Variants in FBXL22 observed in about 807,000 individuals in gnomAD.
FBXL22 encodes F-box and leucine-rich protein 22.
Under a neutral mutation model 11.7 loss-of-function variants are expected in FBXL22, and 13 were observed. The ratio of observed to expected loss-of-function variants is 1.11; its 90% confidence interval spans 0.73 to 1.77. The LOEUF (loss-of-function observed/expected upper bound fraction) is 1.77, where lower values mean the gene tolerates loss of function less well. Among genes scored for constraint, FBXL22 ranks in the 40% most tolerant of loss-of-function variants. The probability of loss-of-function intolerance (pLI) is 0.00; values close to 1 mark genes in which losing one functional copy is unlikely to be tolerated. For synonymous variants in FBXL22, 160 were observed against 144.1 expected (o/e 1.11, Z -0.79); for missense variants, 406 against 320.4 (o/e 1.27, Z -2.04).
At chr15:63,607,057 CTTT>C (rs71131174), downstream of FBXL22, among the ~76,000 whole-genome samples, 5 of 137,820 alleles carry the variant, frequency 3.6e-5, no homozygotes, top group Non-Finnish European at 4.7e-5. Flanking sequence ...AGCACAGATG[CTTT>C]TTTTTTTTTT....
At chr15:63,602,654 T>C (rs186795473), downstream of FBXL22, among the ~76,000 whole-genome samples, 825 of 148,504 alleles carry the variant, frequency 5.6e-3, 5 homozygotes, top group African/African-American at 0.019. Flanking sequence ...TAACAAGGGC[T>C]ATTAGGGATT....
At chr15:63,605,894 C>T (rs559693221), downstream of FBXL22, among the ~76,000 whole-genome samples, 19 of 152,294 alleles carry the variant, frequency 1.2e-4, no homozygotes, top group East Asian at 1.4e-3. Flanking sequence ...GCCCCAGTGC[C>T]GGCAGAGAGA....
chr15:63,601,668 G>C (rs376600116), downstream of FBXL22: 62 of 1,608,028 alleles, frequency 3.9e-5, 1 homozygote, highest in East Asian at 1.8e-4. Context: ...TTCCTGGGGC[G>C]GATGCGTTCC....
downstream of FBXL22, among the ~76,000 whole-genome samples, chr15:63,606,714 A>ACT (rs1264152381): frequency 9.9e-5 from 10 of 101,228 alleles, no homozygotes; most frequent in Non-Finnish European, 2.6e-4. Context: ...TAGTCAAGAC[A>ACT]ATGAGGAAAT....
At position 63,600,601 on chromosome 15, in the gene FBXL22, G is replaced by A; in HGVS notation, c.354-96G>A. Reference sequence around the variant, plus strand: ...CAAGTGTCTTCACCTCGCAGGGCCCGAGTCCTCCTCGGTAAATGAGTCCAC... The same window carrying A: ...CAAGTGTCTTCACCTCGCAGGGCCCAAGTCCTCCTCGGTAAATGAGTCCAC... On this transcript the variant is annotated intron_variant, in intron 1 of 1. Coordinates refer to ENST00000638704, the MANE Select transcript of FBXL22 (RefSeq NM_001367807.1). 4.1e-6 allele frequency: 5 copies of A among 1,230,080 alleles called. No homozygotes were observed. In the East Asian group the frequency reaches 9.5e-5, roughly 23 times the overall value. The allele number at this position is 1,230,080 out of a possible 1,614,324, so 76.2% of individuals were successfully genotyped here. A position where few individuals can be genotyped will look rare whatever the true frequency, so the allele number is the denominator to read the frequency against.
In FBXL22 at chr15:63,597,852, G is replaced by C; in HGVS notation, c.353+107G>C. 8.8e-7 allele frequency: 1 copy of C among 1,136,700 alleles called. No individual in the cohort carries two copies. 70.4% of individuals were successfully genotyped at this position (1,136,700 alleles called of 1,614,324 possible). On this transcript the variant is annotated intron_variant, in intron 1 of 1. Transcript: ENST00000638704. The surrounding 1 kb of genome is among the most constrained non-coding windows in gnomAD (Gnocchi z 4.3). Reference sequence around the variant, plus strand: ...AGACCAAGATGGCTCCACCTTCGGGGCGCCTCAAACTAGGCCCAAGGCAGA... The same window carrying C: ...AGACCAAGATGGCTCCACCTTCGGGCCGCCTCAAACTAGGCCCAAGGCAGA...
chr15:63,601,485 AC>A, downstream of FBXL22: 1 of 1,549,596 alleles, frequency 6.5e-7, no homozygotes, highest in Non-Finnish European at 8.7e-7. Context: ...GGGCGGAGCG[AC>A]CCAGCGAGAC....
In FBXL22 at chr15:63,600,746, G is replaced by A. The variant is rs902188660; in HGVS notation, c.403G>A (p.Asp135Asn). 2.2e-5 allele frequency: 27 copies of A among 1,231,338 alleles called. No individual in the cohort carries two copies. Among genetic ancestry groups the A allele is most frequent in the Non-Finnish European group, 2.4e-5 (24 of 987,770 alleles). 76.3% of individuals were successfully genotyped at this position (1,231,338 alleles called of 1,614,324 possible). A position where few individuals can be genotyped will look rare whatever the true frequency, so the allele number is the denominator to read the frequency against. Residue 135 changes from aspartate to asparagine, a missense_variant, in exon 2 of 2, where the codon GAC becomes AAC. By Grantham distance (23) the Asp-to-Asn change is conservative. Coordinates refer to ENST00000638704, the MANE Select transcript of FBXL22 (RefSeq NM_001367807.1). ...VTLSGCGHVT[D>N]DCLARLLRCC... is the part of the protein sequence containing the mutation. ...GCTCTCGGGCTGCGGCCACGTTACC[G>A]ACGACTGCCTGGCGCGCCTGCTGCG... is the stretch of plus-strand genomic sequence containing the variant.
chr15:63,597,574 A>G lies in FBXL22; in HGVS notation c.182A>G (p.Gln61Arg). ...LLHFRSLTELQKDNFLLGPAL... is the reference protein window; with the variant it reads ...LLHFRSLTELRKDNFLLGPAL... Reference sequence around the variant, plus strand: ...CACTTCCGTTCCCTCACTGAACTCCAGAAGGACAACTTCCTCCTGGGCCCG... The same window carrying G: ...CACTTCCGTTCCCTCACTGAACTCCGGAAGGACAACTTCCTCCTGGGCCCG... Residue 61 changes from glutamine to arginine, a missense_variant, in exon 1 of 2, where the codon CAG becomes CGG. By Grantham distance (43) the Gln-to-Arg change is conservative. Transcript: ENST00000638704. The surrounding 1 kb of genome is among the most constrained non-coding windows in gnomAD (Gnocchi z 4.3). The G allele has an allele frequency of 1.2e-6, 2 of 1,614,128 alleles. No individual in the cohort carries two copies. The highest frequency in any genetic ancestry group is 8.5e-7 in the Non-Finnish European group (1 of 1,180,024).
intron 1 of FBXL22, among the ~76,000 whole-genome samples, chr15:63,598,022 T>G (rs1334817884): frequency 6.6e-6 from 1 of 152,188 alleles, no homozygotes; most frequent in Non-Finnish European, 1.5e-5. Context: ...AGTCATTAAG[T>G]GCTGGGTGGG....
downstream of FBXL22, chr15:63,601,641 C>T: frequency 6.2e-7 from 1 of 1,606,260 alleles, no homozygotes; most frequent in Non-Finnish European, 8.5e-7. Context: ...CCCGCACGCG[C>T]GTCTGCCCGC....
chr15:63,598,086 C>T (rs535860067), intron 1 of FBXL22, among the ~76,000 whole-genome samples: 1 of 152,238 alleles, frequency 6.6e-6, no homozygotes, highest in South Asian at 2.1e-4. Context: ...CTTCCAGATG[C>T]AGCAATCAGC....
chr15:63,608,023 A>G, the FBXL22 span, among the ~76,000 whole-genome samples: 1 of 152,208 alleles, frequency 6.6e-6, no homozygotes, highest in Non-Finnish European at 1.5e-5. Context: ...TCATTCAAGG[A>G]TATGAAAGCC....
At chr15:63,601,865 C>A, downstream of FBXL22, 1 of 838,538 alleles carries the variant, frequency 1.2e-6, no homozygotes, top group Non-Finnish European at 1.7e-6. Flanking sequence ...GATAATGGAA[C>A]CATTATAAGC....
downstream of FBXL22, chr15:63,601,629 TG>T (rs764870736): frequency 2.5e-6 from 4 of 1,604,242 alleles, no homozygotes; most frequent in Non-Finnish European, 3.4e-6. Flanking sequence ...CTTGCGGTTT[TG>T]CCCGCACGCG....
Position 63,600,712 on chromosome 15 carries a change from G to C in FBXL22, c.369G>C (p.Ala123=), listed in dbSNP as rs12899671. The C allele has an allele frequency of 1.6e-6, 2 of 1,231,134 alleles. No individual in the cohort carries two copies. The highest frequency in any genetic ancestry group is 3.1e-5 in the African/African-American group (2 of 64,340). 76.3% of individuals were successfully genotyped at this position (1,231,134 alleles called of 1,614,324 possible). ...CTCCTCACAGGTGCCCCAACCTGGC[G>C]TCCGTCACGCTCTCGGGCTGCGGCC... ...LRVCDRCPNL[A]SVTLSGCGHV... The change falls in exon 2 of 2, where the codon GCG becomes GCC. Residue 123 remains alanine, a synonymous_variant. Transcript: ENST00000638704.
At chr15:63,603,487 G>A (rs74018142), downstream of FBXL22, among the ~76,000 whole-genome samples, 1,983 of 152,296 alleles carry the variant, frequency 0.013, 36 homozygotes, top group African/African-American at 0.046. Context: ...TATGGTAAGG[G>A]ATGGGGGTAG....
chr15:63,600,597 G>T, intron 1 of FBXL22, 100 bp from the exon 2 acceptor site: 1 of 1,230,006 alleles, frequency 8.1e-7, no homozygotes, highest in Middle Eastern at 3.1e-4. Flanking sequence ...ACCTCGCAGG[G>T]CCCGAGTCCT....
chr15:63,601,278 C>G, downstream of FBXL22: 1 of 1,560,054 alleles, frequency 6.4e-7, no homozygotes, highest in East Asian at 2.3e-5. Flanking sequence ...CGCCTTTCCC[C>G]TCTTGCTTCC....
Sources: allele counts gnomAD v4.1 joint callset (sites outside exome capture counted in the v4.1 genomes callset), GRCh38; gene constraint gnomAD v4.1.1; non-coding constraint Gnocchi (gnomAD v3.1); transcripts MANE v1.5; gene names NCBI Gene and HGNC (gene_info 2026-07-23, HGNC 2026-07-21).